CNIH3: variants seen among roughly 807,000 people sequenced by gnomAD.
CNIH3 encodes cornichon family AMPA receptor auxiliary protein 3, also known as protein cornichon homolog 3.
A neutral mutation model predicts 24.1 loss-of-function variants in CNIH3; 14 were observed. That is an observed-to-expected ratio of 0.58 (90% CI 0.38 to 0.91). The LOEUF (loss-of-function observed/expected upper bound fraction) is 0.91, where lower values mean the gene tolerates loss of function less well. CNIH3 is among the 40% of genes least tolerant of loss of function. The pLI is 0.00. For missense variants in CNIH3, 178 were observed against 196.8 expected, an observed-to-expected ratio of 0.90 and a Z score of 0.57; for synonymous variants, 68 against 73.8, an observed-to-expected ratio of 0.92 and a Z score of 0.40.
chr1:224,596,484 T>A (rs2125035905), intron 3 of CNIH3, among the ~76,000 whole-genome samples: 2 of 152,358 alleles, frequency 1.3e-5, no homozygotes, highest in East Asian at 3.9e-4. Context: ...ATATGAATAT[T>A]GTTTTCATGC....
chr1:224,442,705 A>G (rs1401663727), intron 1 of CNIH3, among the ~76,000 whole-genome samples: 2 of 152,218 alleles, frequency 1.3e-5, no homozygotes, highest in African/African-American at 4.8e-5. Context: ...TTCATTAGCC[A>G]CATTTTACAG....
intron 5 of CNIH3, among the ~76,000 whole-genome samples, chr1:224,735,382 G>A (rs142416163): frequency 1.3e-5 from 2 of 152,322 alleles, no homozygotes; most frequent in African/African-American, 4.8e-5. Context: ...CACAGAGAGT[G>A]CCTTTTCCGC....
rs57209437 is a variant in CNIH3 at position 224,571,532 on chromosome 1, C to T, written n.516+5268C>T. On this transcript the variant is annotated intron_variant and non_coding_transcript_variant, in intron 4 of 5. Transcript: ENST00000471578. Reference sequence around the variant, plus strand: ...TTGAGGTCAGGAGTTCAAGACCAGCCTGGCCAACATGATGAAACCCCGTCT... The same window carrying T: ...TTGAGGTCAGGAGTTCAAGACCAGCTTGGCCAACATGATGAAACCCCGTCT... 2.4e-3 allele frequency among the ~76,000 whole-genome samples: 366 copies of T among 152,104 alleles called. 9 individuals carry two copies. In the East Asian group the frequency reaches 0.048, roughly 20 times the overall value.
chr1:224,734,449 C>A, intron 4 of CNIH3, 114 bp from the exon 5 acceptor site: 1 of 1,024,566 alleles, frequency 9.8e-7, no homozygotes, highest in South Asian at 1.5e-5. Flanking sequence ...GGGCAGAAGG[C>A]AGGCAATTGC....
chr1:224,622,674 T>C (rs1046918052), intron 1 of CNIH3, among the ~76,000 whole-genome samples: 6 of 152,192 alleles, frequency 3.9e-5, no homozygotes, highest in Non-Finnish European at 5.9e-5. Flanking sequence ...AAGTAACTTG[T>C]CTTTGACTTT....
At chr1:224,501,297 C>T (rs562690587) in intron 1 of CNIH3, among the ~76,000 whole-genome samples, 1 of 152,160 alleles carries the variant, frequency 6.6e-6, no homozygotes, top group South Asian at 2.1e-4. Context: ...ATAATACTAT[C>T]ATTATTGAGA....
chr1:224,663,775 A>T (rs372068083), intron 1 of CNIH3, among the ~76,000 whole-genome samples: 1 of 152,236 alleles, frequency 6.6e-6, no homozygotes, highest in African/African-American at 2.4e-5. Context: ...GCTGTTCTTC[A>T]TAGGCAATCA....
intron 3 of CNIH3, among the ~76,000 whole-genome samples, chr1:224,709,729 T>C (rs1223082789): frequency 6.6e-6 from 1 of 152,152 alleles, no homozygotes; most frequent in East Asian, 1.9e-4. Flanking sequence ...TGGTGGAAAT[T>C]CCTATTTTAT....
At chr1:224,658,386 T>G (rs1685195496) in intron 1 of CNIH3, among the ~76,000 whole-genome samples, 1 of 151,926 alleles carries the variant, frequency 6.6e-6, no homozygotes, top group South Asian at 2.1e-4. Context: ...GCTCAGCTGG[T>G]CTTGAACTGG....
chr1:224,595,187 C>T (rs968798230), intron 3 of CNIH3, among the ~76,000 whole-genome samples: 1 of 152,228 alleles, frequency 6.6e-6, no homozygotes, highest in Admixed American at 6.5e-5. Context: ...GCTGGGACTA[C>T]AGTTGTGCAC....
chr1:224,675,946 A>G (rs186662870), intron 1 of CNIH3, among the ~76,000 whole-genome samples: 226 of 152,336 alleles, frequency 1.5e-3, no homozygotes, highest in Non-Finnish European at 2.5e-3. Flanking sequence ...TCAGTTTCTT[A>G]TAAATTAAAT....
chr1:224,463,773 ATTTTTTTTTTTTTT>A (rs56137320), intron 1 of CNIH3, among the ~76,000 whole-genome samples: 37 of 20,728 alleles, frequency 1.8e-3, no homozygotes, highest in African/African-American at 8.7e-3. Context: ...AATTGTCCTC[ATTTTTTTTTTTTTT>A]TTTTTTTTTT....
chr1:224,574,546 T>G (rs1365072676), intron 4 of CNIH3: 2 of 742,750 alleles, frequency 2.7e-6, no homozygotes, highest in African/African-American at 3.4e-5. Context: ...GCCATTAATG[T>G]TGGGTACTGC....
rs1382065204 is a variant in CNIH3, at chr1:224,711,984, T to A, written c.199-18478T>A. 2.0e-5 allele frequency among the ~76,000 whole-genome samples: 3 copies of A among 152,232 alleles called. No individual in the cohort carries two copies. In the East Asian group the frequency reaches 5.8e-4, roughly 29 times the overall value. The stretch of plus-strand genomic sequence containing the variant: ...GCCTGCTGCATCAGGTCCCAACTCC[T>A]TAGCCTGACCTTCATGGCTGTCCCC... On this transcript the variant is annotated intron_variant, in intron 3 of 5. Coordinates refer to ENST00000272133, the MANE Select transcript of CNIH3 (RefSeq NM_152495.2).
intron 1 of CNIH3, among the ~76,000 whole-genome samples, chr1:224,504,155 T>G (rs1206183666): frequency 1.3e-5 from 2 of 152,224 alleles, no homozygotes; most frequent in African/African-American, 4.8e-5. Flanking sequence ...GGTTCAAACC[T>G]GAAACCCTAC....
At chr1:224,726,093 A>G (rs951413199) in intron 3 of CNIH3, among the ~76,000 whole-genome samples, 1 of 152,250 alleles carries the variant, frequency 6.6e-6, no homozygotes, top group African/African-American at 2.4e-5. Context: ...ATTGTGGACA[A>G]TGGCTTACAG....
At chr1:224,441,821 A>G (rs1470402825) in intron 1 of CNIH3, among the ~76,000 whole-genome samples, 1 of 152,152 alleles carries the variant, frequency 6.6e-6, no homozygotes, top group Admixed American at 6.5e-5. Flanking sequence ...TTACTAAATA[A>G]TACTAAATGT....
At chr1:224,480,258 T>C (rs917931282) in intron 1 of CNIH3, among the ~76,000 whole-genome samples, 3 of 152,094 alleles carry the variant, frequency 2.0e-5, no homozygotes, top group African/African-American at 7.2e-5. Context: ...CAGCACCAAG[T>C]CCCTAGACCG....
chr1:224,579,857 A>C (rs1681198586), intron 4 of CNIH3, among the ~76,000 whole-genome samples: 1 of 152,188 alleles, frequency 6.6e-6, no homozygotes, highest in Non-Finnish European at 1.5e-5. Flanking sequence ...GGCTCTCACC[A>C]GATGCCCAGT....
Sources: gnomAD v4.1 joint callset for allele counts (sites outside exome capture counted in the v4.1 genomes callset) on GRCh38, gnomAD v4.1.1 for gene constraint, MANE v1.5 for transcripts, NCBI Gene and HGNC (gene_info 2026-07-23, HGNC 2026-07-21) for gene names.